The following SLC17A1 variants were observed in gnomAD, a reference collection of about 807,000 sequenced individuals.
SLC17A1 encodes the protein solute carrier family 17 member 1, also known as sodium-dependent phosphate transport protein 1.
A neutral mutation model predicts 53.5 loss-of-function variants in SLC17A1; 51 were observed. The ratio of observed to expected loss-of-function variants is 0.95; its 90% CI spans 0.76 to 1.20. The LOEUF (loss-of-function observed/expected upper bound fraction) is 1.20, where lower values mean the gene tolerates loss of function less well. Ranked by LOEUF, SLC17A1 falls within the 50% of genes most tolerant of loss-of-function variation. The pLI, the probability that SLC17A1 is intolerant of heterozygous loss-of-function variation, is 0.00. For missense variants in SLC17A1, 538 were observed against 568.2 expected (o/e 0.95, Z 0.54); for synonymous variants, 179 against 198.8 (o/e 0.90, Z 0.84).
At chr6:25,776,648 T>C in the SLC17A1 span, 2 of 1,613,860 alleles carry the variant, frequency 1.2e-6, no homozygotes, top group South Asian at 2.2e-5. Flanking sequence ...GCATTATCCT[T>C]GGAGGTCTAC....
At chr6:25,796,739 T>C (rs1199286034) in intron 12 of SLC17A1, among the ~76,000 whole-genome samples, 1 of 152,238 alleles carries the variant, frequency 6.6e-6, no homozygotes, top group African/African-American at 2.4e-5. Context: ...AATTATTGTT[T>C]GTATAGTTTT....
the SLC17A1 span, among the ~76,000 whole-genome samples, chr6:25,734,434 A>G: frequency 6.6e-6 from 1 of 152,216 alleles, no homozygotes; most frequent in Non-Finnish European, 1.5e-5. Flanking sequence ...ATCCTCAAAT[A>G]TCAGGCTTCT....
intron 6 of SLC17A1, among the ~76,000 whole-genome samples, chr6:25,816,595 G>C (rs1223809308): frequency 6.6e-6 from 1 of 152,234 alleles, no homozygotes; most frequent in Non-Finnish European, 1.5e-5. Flanking sequence ...GGGCAGCGGT[G>C]ACAGAAGCCA....
At chr6:25,790,947 A>C (rs77398860) in intron 12 of SLC17A1, among the ~76,000 whole-genome samples, 1 of 152,208 alleles carries the variant, frequency 6.6e-6, no homozygotes, top group Non-Finnish European at 1.5e-5. Context: ...AAAATTAAAT[A>C]TATTCAAATG....
intron 10 of SLC17A1, among the ~76,000 whole-genome samples, chr6:25,801,919 T>C (rs1355509515): frequency 2.3e-5 from 3 of 128,790 alleles, no homozygotes; most frequent in Non-Finnish European, 4.8e-5. Context: ...CTAGGGAGTG[T>C]GTTGTAATGG....
chr6:25,736,857 C>A, the SLC17A1 span, among the ~76,000 whole-genome samples: 2 of 152,184 alleles, frequency 1.3e-5, no homozygotes, highest in East Asian at 3.8e-4. Flanking sequence ...CAACTGAACT[C>A]ATTATGAAAT....
At chr6:25,733,688 A>T in the SLC17A1 span, among the ~76,000 whole-genome samples, 12 of 152,242 alleles carry the variant, frequency 7.9e-5, no homozygotes, top group South Asian at 2.1e-4. Context: ...ACACTGAGAT[A>T]TAAATATGTT....
At chr6:25,827,023 A>G (rs947386025) in intron 2 of SLC17A1, among the ~76,000 whole-genome samples, 3 of 152,148 alleles carry the variant, frequency 2.0e-5, no homozygotes, top group African/African-American at 7.2e-5. Context: ...TGGTTGAAAG[A>G]CTTATATATG....
At chr6:25,750,975 C>T in the SLC17A1 span, among the ~76,000 whole-genome samples, 1 of 152,122 alleles carries the variant, frequency 6.6e-6, no homozygotes, top group Non-Finnish European at 1.5e-5. Flanking sequence ...CATGCACAGC[C>T]ACAGATTAAT....
At chr6:25,795,283 G>T (rs1351311006) in intron 12 of SLC17A1, among the ~76,000 whole-genome samples, 1 of 152,136 alleles carries the variant, frequency 6.6e-6, no homozygotes, top group Non-Finnish European at 1.5e-5. Context: ...GGTTTACGTA[G>T]AATTAGCCTG....
Position 25,819,792 on chromosome 6 carries a change from T to A in SLC17A1, c.331A>T (p.Ile111Phe). 1.2e-6 allele frequency: 2 copies of A among 1,614,188 alleles called. No homozygotes were observed. The highest frequency in any genetic ancestry group is 1.7e-6 in the Non-Finnish European group (2 of 1,180,006). Residue 111 changes from isoleucine to phenylalanine, a missense_variant, in exon 4 of 13, where the codon ATT becomes TTT. Physicochemically the swap from Ile to Phe is conservative, Grantham distance 21. Coordinates refer to ENST00000244527, the MANE Select transcript of SLC17A1 (RefSeq NM_005074.5). ...GAGCTGAGGCATAATGCAAAGCCAA[T>A]CATTTTCTTTGTAGAATATATTCCA... The part of the protein sequence containing the change: ...FSGIYSTKKM[I>F]GFALCLSSVL...
the SLC17A1 span, among the ~76,000 whole-genome samples, chr6:25,745,027 A>T: frequency 0.087 from 13,226 of 152,078 alleles, 1,272 homozygotes; most frequent in East Asian, 0.5. Context: ...AAATAAAAGC[A>T]CATAACCAAC....
Position 25,809,217 on chromosome 6 carries a change from T to C in SLC17A1, c.1178+2181A>G, listed in dbSNP as rs541872284. ...AAATAATGTATACACATGGACAGAG[T>C]GTAGAATAACAGACATTAGAGACTT... On this transcript the variant is annotated intron_variant, in intron 10 of 12. Transcript: ENST00000244527. Among the ~76,000 whole-genome samples the C allele has an allele frequency of 7.9e-5, 12 of 152,022 alleles. No homozygotes were observed. The South Asian group carries it at 2.3e-3, about 29-fold the overall frequency.
intron 1 of SLC17A1, among the ~76,000 whole-genome samples, chr6:25,831,251 C>T (rs1476141200): frequency 6.6e-6 from 1 of 152,102 alleles, no homozygotes; most frequent in African/African-American, 2.4e-5. Context: ...ATCAGGCAAC[C>T]CCTTACCATC....
chr6:25,768,649 C>T, the SLC17A1 span, among the ~76,000 whole-genome samples: 618 of 152,244 alleles, frequency 4.1e-3, 1 homozygote, highest in Non-Finnish European at 5.4e-3. Context: ...CATACCCAAT[C>T]GGTCACTGCT....
At chr6:25,813,379 A>T (rs1318263917) in intron 6 of SLC17A1, among the ~76,000 whole-genome samples, 166 bp from the exon 7 acceptor site, 2 of 151,828 alleles carry the variant, frequency 1.3e-5, no homozygotes, top group Admixed American at 1.3e-4. Context: ...ATCCACAGGG[A>T]CCCCTCCCTA....
chr6:25,830,653 A>C, intron 1 of SLC17A1, 46 bp from the exon 2 acceptor site: 1 of 1,326,312 alleles, frequency 7.5e-7, no homozygotes, highest in Non-Finnish European at 1.1e-6. Context: ...TAGAGAGGCA[A>C]CTGACCAAAC....
the SLC17A1 span, among the ~76,000 whole-genome samples, chr6:25,761,321 T>G: frequency 6.6e-6 from 1 of 152,206 alleles, no homozygotes; most frequent in African/African-American, 2.4e-5. Context: ...AGAATCTCCC[T>G]TATAATCGCC....
downstream of SLC17A1, chr6:25,780,174 G>C (rs1763229566): frequency 6.6e-6 from 1 of 152,180 alleles, no homozygotes; most frequent in Non-Finnish European, 1.5e-5. Context: ...AGGATCATAA[G>C]ATAGCAAAAC....
Sources: allele counts gnomAD v4.1 joint callset (sites outside exome capture counted in the v4.1 genomes callset), GRCh38; gene constraint gnomAD v4.1.1; transcripts MANE v1.5; gene names NCBI Gene and HGNC (gene_info 2026-07-23, HGNC 2026-07-21).